SLC6A16: variants seen among roughly 807,000 people sequenced by gnomAD.
The protein encoded by SLC6A16 is orphan sodium- and chloride-dependent neurotransmitter transporter NTT5.
In SLC6A16, 54 loss-of-function variants were observed where a neutral mutation model predicts 65.4. The ratio of observed to expected loss-of-function variants is 0.83; its 90% confidence interval spans 0.66 to 1.04. SLC6A16 has a LOEUF of 1.04. Ranked by LOEUF, SLC6A16 falls within the 50% of genes least tolerant of loss-of-function variation. The pLI, the probability that SLC6A16 is intolerant of heterozygous loss-of-function variation, is 0.00. For missense variants in SLC6A16, 816 were observed against 914.0 expected (o/e 0.89, Z 1.38); for synonymous variants, 330 against 346.5 (o/e 0.95, Z 0.53).
intron 1 of SLC6A16, among the ~76,000 whole-genome samples, chr19:49,313,410 C>T (rs1023563196): frequency 1.5e-4 from 23 of 152,102 alleles, no homozygotes; most frequent in East Asian, 7.7e-4. Flanking sequence ...AGTGAGTCTC[C>T]GGTCTCAGCC....
rs1020330246 is a variant in SLC6A16, at chr19:49,311,296, T to A, written c.52A>T (p.Thr18Ser). The change falls in exon 2 of 12, where the codon ACT becomes TCT. Residue 18 changes from threonine to serine, a missense_variant. By Grantham distance (58) the Thr-to-Ser change is moderately conservative (BLOSUM62 1). Coordinates refer to ENST00000335875, the MANE Select transcript of SLC6A16 (RefSeq NM_014037.3). ...ACACTGTCAGAAATCACTGTGCCAG[T>A]CCATGAGGTGTTTGCCAGCAAGGAT... ...STSLLANTSW[T>S]GTVISDSVPG... 3 of 1,608,762 alleles carry A rather than the reference T, an allele frequency of 1.9e-6. No homozygotes were observed. The highest frequency in any genetic ancestry group is 1.7e-5 in the Admixed American group (1 of 58,928).
In SLC6A16 at chr19:49,290,236, AG is replaced by A; in HGVS notation, c.2097del (p.Ser700ProfsTer6). The A allele has an allele frequency of 6.2e-7, 1 of 1,614,104 alleles. No homozygotes were observed. The highest frequency in any genetic ancestry group is 8.5e-7 in the Non-Finnish European group (1 of 1,180,016). Reference sequence around the variant, plus strand: ...TGGTGACTTAGGGGTAGGGATGTGGAGGCTGTCATAGGCCCGTCTCCGCTCT... The same window carrying A: ...TGGTGACTTAGGGGTAGGGATGTGGAGCTGTCATAGGCCCGTCTCCGCTCT... Reference protein sequence around the residue: ...RPKSGDGPMTASTSLPLSHQL... With the variant: ...RPKSGDGPMTXSTSLPLSHQL... On this transcript the variant is annotated frameshift_variant, in exon 12 of 12. Transcript: ENST00000335875. LOFTEE classifies it low-confidence loss of function (END_TRUNC).
At chr19:49,309,543 G>C in intron 5 of SLC6A16, 108 bp downstream of exon 5, 1 of 1,276,742 alleles carries the variant, frequency 7.8e-7, no homozygotes, top group Non-Finnish European at 1.1e-6. Flanking sequence ...TCAGGGGCTA[G>C]GGGAGTAAAA....
rs75396634 is a variant in SLC6A16 at position 49,292,824 on chromosome 19, A to G, written c.1778+399T>C. On this transcript the variant is annotated intron_variant, in intron 10 of 11. Coordinates refer to ENST00000335875, the MANE Select transcript of SLC6A16 (RefSeq NM_014037.3). The surrounding 1 kb of genome is among the most constrained non-coding windows in gnomAD (Gnocchi z 4.3). ...ACCTTATCGGAAGGGCCCTCCCTGA[A>G]GTCGTATGTGACTTGGTGCCCACAC... Among the ~76,000 whole-genome samples, 3,590 of 152,272 alleles carry G rather than the reference A, an allele frequency of 0.024. 69 individuals are homozygous for G. Among genetic ancestry groups the G allele is most frequent in the South Asian group, 0.075 (361 of 4,826 alleles).
At chr19:49,327,097 A>T (rs1319520755), upstream of SLC6A16, among the ~76,000 whole-genome samples, 2 of 148,566 alleles carry the variant, frequency 1.3e-5, no homozygotes, top group Admixed American at 6.7e-5. Flanking sequence ...TTTTTTTGAG[A>T]CAATCTCACT....
chr19:49,328,573 T>A (rs1970820042), upstream of SLC6A16, among the ~76,000 whole-genome samples: 1 of 152,146 alleles, frequency 6.6e-6, no homozygotes, highest in African/African-American at 2.4e-5. Context: ...TGGTGAAAAG[T>A]GGTCAAATTC....
At position 49,309,303 on chromosome 19, in the gene SLC6A16, T is replaced by A; in HGVS notation, c.985A>T (p.Lys329Ter). 6.2e-7 allele frequency: 1 copy of A among 1,610,854 alleles called. No homozygotes were observed. Among genetic ancestry groups the A allele is most frequent in the Non-Finnish European group, 8.5e-7 (1 of 1,177,036 alleles). Residue 329 changes from lysine (K) to a stop codon, truncating the protein, a stop_gained and splice_region_variant, in exon 6 of 12, where the codon AAG (lysine) becomes TAG (stop). Transcript: ENST00000335875. LOFTEE classifies it high-confidence loss of function. ...KFGLQQLVVA[K>*]ISDVYNMSVW... is the part of the protein sequence containing the mutation. The stretch of plus-strand genomic sequence containing the variant: ...GGGAGTGAGGAGATAGATTTCACCT[T>A]GGCAACCACCAACTGTTGAAGGCCA...
the SLC6A16 span, chr19:49,340,151 ATTC>A: frequency 7.3e-6 from 11 of 1,511,312 alleles, no homozygotes; most frequent in East Asian, 2.3e-5. Context: ...TTCCCGCCCA[ATTC>A]ACGGCCCCAC....
intron 7 of SLC6A16, 113 bp downstream of exon 7, chr19:49,308,763 G>C: frequency 7.5e-7 from 1 of 1,325,974 alleles, no homozygotes; most frequent in Non-Finnish European, 1.0e-6. Flanking sequence ...GCTTGCAAGT[G>C]CACCCAAGGT....
At chr19:49,307,527 G>A (rs928197035) in intron 7 of SLC6A16, among the ~76,000 whole-genome samples, 5 of 151,886 alleles carry the variant, frequency 3.3e-5, no homozygotes, top group African/African-American at 1.2e-4. Context: ...GGTTATTTGT[G>A]AGGGTTAGGG....
Position 49,310,007 on chromosome 19 carries a change from T to C in SLC6A16, c.700+33A>G. 3 of 1,606,230 alleles carry C rather than the reference T, an allele frequency of 1.9e-6. No individual in the cohort carries two copies. In the South Asian group the frequency reaches 3.3e-5, roughly 18 times the overall value. ...CCCTTCTACTTCTACTTCTCCATTTTTCCCTTCTCCTCTTCTTTCACTTCC... is the reference window on the plus strand; with the variant it reads ...CCCTTCTACTTCTACTTCTCCATTTCTCCCTTCTCCTCTTCTTTCACTTCC... On this transcript the variant is annotated intron_variant, in intron 4 of 11. Transcript: ENST00000335875.
chr19:49,298,592 T>C (rs1225241493), intron 7 of SLC6A16, among the ~76,000 whole-genome samples: 1 of 152,198 alleles, frequency 6.6e-6, no homozygotes, highest in East Asian at 1.9e-4. Context: ...GGAATGCTTA[T>C]ACACTGTTGC....
At chr19:49,296,708 G>A (rs1970193359) in intron 7 of SLC6A16, among the ~76,000 whole-genome samples, 1 of 152,102 alleles carries the variant, frequency 6.6e-6, no homozygotes, top group Non-Finnish European at 1.5e-5. Flanking sequence ...TGCAATCTTG[G>A]CCAGGCGCGG....
the SLC6A16 span, chr19:49,339,547 T>C: frequency 7.4e-6 from 11 of 1,481,164 alleles, no homozygotes; most frequent in South Asian, 2.5e-5. This position sits in a 1 kb window ranked among gnomAD's most constrained non-coding sequence, Gnocchi z 4.5. Flanking sequence ...CTCCCGCCGC[T>C]CCACCCAGCA....
At position 49,290,557 on chromosome 19, in the gene SLC6A16, G is replaced by C. The variant is rs552752630; in HGVS notation, c.1941+48C>G. 61 of 1,600,956 alleles carry C rather than the reference G, an allele frequency of 3.8e-5. No homozygotes were observed. In the South Asian group the frequency reaches 6.1e-4, roughly 16 times the overall value. On this transcript the variant is annotated intron_variant, in intron 11 of 11. Coordinates refer to ENST00000335875, the MANE Select transcript of SLC6A16 (RefSeq NM_014037.3). ...TCTTTCACCCAGAGTGAATTGAAAG[G>C]TCTGGCCCCTACTCCCAAAGGGGTT...
At chr19:49,328,818 T>A (rs1481792385), upstream of SLC6A16, among the ~76,000 whole-genome samples, 1 of 152,172 alleles carries the variant, frequency 6.6e-6, no homozygotes, top group Admixed American at 6.5e-5. Flanking sequence ...TTCAACTGAT[T>A]TCTGTAAAGG....
At chr19:49,329,782 G>A (rs539204356), upstream of SLC6A16, among the ~76,000 whole-genome samples, 5 of 151,924 alleles carry the variant, frequency 3.3e-5, no homozygotes, top group African/African-American at 4.8e-5. Context: ...ACAGGCGCCC[G>A]CCACTACGCC....
At position 49,309,108 on chromosome 19, in the gene SLC6A16, C is replaced by T; in HGVS notation, c.997G>A (p.Val333Met). 1 of 1,614,100 alleles carries T rather than the reference C, an allele frequency of 6.2e-7. No individual in the cohort carries two copies. The highest frequency in any genetic ancestry group is 8.5e-7 in the Non-Finnish European group (1 of 1,179,986). ...QQLVVAKISD[V>M]YNMSVWSLAG... The stretch of plus-strand genomic sequence containing the variant: ...AGAGACCACACACTCATATTGTACA[C>T]ATCCGATATCTAAAAGAGAGAAGAC... The change falls in exon 7 of 12, where the codon GTG becomes ATG. Residue 333 changes from valine (V) to methionine (M), a missense_variant. By Grantham distance (21) the Val-to-Met change is conservative. Transcript: ENST00000335875.
chr19:49,327,195 C>G (rs548677400), upstream of SLC6A16, among the ~76,000 whole-genome samples: 2 of 152,036 alleles, frequency 1.3e-5, no homozygotes, highest in Admixed American at 1.3e-4. Context: ...CTGCCTCAGC[C>G]TTCCGAGTAG....
Sources: gnomAD v4.1 joint callset for allele counts (sites outside exome capture counted in the v4.1 genomes callset) on GRCh38, gnomAD v4.1.1 for gene constraint, Gnocchi (gnomAD v3.1) non-coding constraint, MANE v1.5 for transcripts, NCBI Gene and HGNC (gene_info 2026-07-23, HGNC 2026-07-21) for gene names.